Variants in EEA1 observed in about 807,000 individuals in gnomAD.
EEA1 encodes the protein early endosome antigen 1, also known as early endosome antigen 1, 162kD.
A neutral mutation model predicts 209.2 loss-of-function variants in EEA1; 111 were observed. The ratio of observed to expected loss-of-function variants is 0.53; its 90% CI spans 0.45 to 0.62. EEA1 has a LOEUF of 0.62. Among genes scored for constraint, EEA1 ranks in the 20% least tolerant of loss-of-function variants. The probability of loss-of-function intolerance (pLI) is 0.00; values close to 1 mark genes in which losing one functional copy is unlikely to be tolerated. For synonymous variants in EEA1, 536 were observed against 540.6 expected, an observed-to-expected ratio of 0.99 and a Z score of 0.12; for missense variants, 1,343 against 1,530.8, an observed-to-expected ratio of 0.88 and a Z score of 2.05.
At chr12:92,791,248 G>T (rs1307164921) in intron 21 of EEA1, among the ~76,000 whole-genome samples, 2 of 152,180 alleles carry the variant, frequency 1.3e-5, no homozygotes, top group African/African-American at 4.8e-5. Context: ...ACATCATAAT[G>T]ACAGGATCAA....
intron 13 of EEA1, among the ~76,000 whole-genome samples, chr12:92,820,205 T>C (rs533587165): frequency 2.0e-5 from 3 of 152,156 alleles, no homozygotes; most frequent in Non-Finnish European, 2.9e-5. Context: ...AATAGAAAAA[T>C]AAATGATTCC....
intron 1 of EEA1, among the ~76,000 whole-genome samples, chr12:92,900,381 A>G (rs1387699970): frequency 6.6e-6 from 1 of 151,832 alleles, no homozygotes; most frequent in Non-Finnish European, 1.5e-5. Flanking sequence ...ACTTTCCCAA[A>G]ATCTAACATT....
chr12:92,880,099 T>G (rs1403503502), intron 2 of EEA1, among the ~76,000 whole-genome samples: 1 of 152,204 alleles, frequency 6.6e-6, no homozygotes, highest in Non-Finnish European at 1.5e-5. Flanking sequence ...AGTGTCCTAC[T>G]CCCCTAGGCT....
At position 92,832,862 on chromosome 12, in the gene EEA1, A is replaced by G. The variant is rs567293875; in HGVS notation, c.916-12T>C. The G allele has an allele frequency of 1.1e-4, 164 of 1,556,554 alleles. 1 individual carries two copies. The South Asian group carries it at 1.5e-3, about 14-fold the overall frequency. The stretch of plus-strand genomic sequence containing the variant: ...TTTTCTGTCAAGGTCTAAAATATCA[A>G]TTTAACAATTTATTTCCTTTTCTAA... On this transcript the variant is annotated splice_polypyrimidine_tract_variant and intron_variant, in intron 10 of 28. Coordinates refer to ENST00000322349, the MANE Select transcript of EEA1 (RefSeq NM_003566.4).
chr12:92,808,068 T>C (rs1227124158), intron 18 of EEA1, among the ~76,000 whole-genome samples: 1 of 152,216 alleles, frequency 6.6e-6, no homozygotes, highest in East Asian at 1.9e-4. Context: ...CTGGTTTCTT[T>C]TGTGTGTTAT....
intron 3 of EEA1, chr12:92,859,027 G>C: frequency 1.4e-6 from 1 of 690,374 alleles, no homozygotes; most frequent in Admixed American, 2.5e-5. Context: ...GTGCAGAACG[G>C]TTCTTGTTCA....
chr12:92,904,077 C>T (rs564106990), intron 1 of EEA1, among the ~76,000 whole-genome samples: 3 of 152,206 alleles, frequency 2.0e-5, no homozygotes, highest in Non-Finnish European at 2.9e-5. Context: ...ATTCTCCTGC[C>T]TCAGCCTCCT....
At chr12:92,891,158 C>G (rs1275430066) in intron 2 of EEA1, among the ~76,000 whole-genome samples, 3 of 150,852 alleles carry the variant, frequency 2.0e-5, no homozygotes, top group Non-Finnish European at 2.9e-5. Flanking sequence ...TACTTATTTA[C>G]AATAATTTCT....
intron 10 of EEA1, among the ~76,000 whole-genome samples, chr12:92,836,581 G>A (rs1481006876): frequency 6.6e-6 from 1 of 152,098 alleles, no homozygotes; most frequent in Non-Finnish European, 1.5e-5. Context: ...TTTGTAGCTC[G>A]CCAACGTCTC....
At chr12:92,905,866 A>G (rs1880364665) in intron 1 of EEA1, among the ~76,000 whole-genome samples, 1 of 151,952 alleles carries the variant, frequency 6.6e-6, no homozygotes, top group African/African-American at 2.4e-5. Flanking sequence ...TGATTTATCT[A>G]TTGCAGACTA....
At chr12:92,836,334 C>G (rs937527075) in intron 10 of EEA1, among the ~76,000 whole-genome samples, 1 of 152,082 alleles carries the variant, frequency 6.6e-6, no homozygotes, top group Admixed American at 6.5e-5. Flanking sequence ...AAAATTCTTC[C>G]CTTCCAAGTA....
At chr12:92,925,264 G>C (rs1274238292) in intron 1 of EEA1, among the ~76,000 whole-genome samples, 1 of 151,550 alleles carries the variant, frequency 6.6e-6, no homozygotes, top group Admixed American at 6.6e-5. Context: ...TCTGTTGCTG[G>C]AGTGCAGTGG....
At chr12:92,905,288 A>C (rs1880329655) in intron 1 of EEA1, among the ~76,000 whole-genome samples, 1 of 152,182 alleles carries the variant, frequency 6.6e-6, no homozygotes, top group South Asian at 2.1e-4. Context: ...ATAGTATTCC[A>C]AGTATTTACT....
In EEA1 at chr12:92,816,792, TCCAGCCAA is replaced by T. The variant is rs1256838374; in HGVS notation, c.1729-400_1729-393del. 3.1e-3 allele frequency among the ~76,000 whole-genome samples: 474 copies of T among 151,844 alleles called. 1 individual carries two copies. Among genetic ancestry groups the T allele is most frequent in the African/African-American group, 0.011 (456 of 41,118 alleles). ...TCATTCCTCCCATCCCATCTCTAAC[TCCAGCCAA>T]TCACTGATTTGGTTAAGTAATAAGT... On this transcript the variant is annotated intron_variant, in intron 14 of 28. Transcript: ENST00000322349.
At chr12:92,836,463 T>C (rs1876935332) in intron 10 of EEA1, among the ~76,000 whole-genome samples, 1 of 152,180 alleles carries the variant, frequency 6.6e-6, no homozygotes, top group Non-Finnish European at 1.5e-5. Flanking sequence ...GAAATGAATA[T>C]AAAAAGAGTG....
rs868681466 is a variant in EEA1, at chr12:92,799,051, C to A, written c.2808G>T (p.Met936Ile). The change falls in exon 21 of 29, where the codon ATG (methionine) becomes ATT (isoleucine). Residue 936 changes from methionine to isoleucine, a missense_variant. Met to Ile is a conservative substitution (Grantham distance 10). Transcript: ENST00000322349. ...TCTGGGCCTGTATAAGTTGTTCCTG[C>A]ATTGAATTGAGTTCCAATTTCAACT... ...SHQLKLELNS[M>I]QEQLIQAQNT... The A allele has an allele frequency of 3.1e-6, 5 of 1,600,538 alleles. No individual in the cohort carries two copies. The highest frequency in any genetic ancestry group is 3.3e-4 in the Middle Eastern group (2 of 6,010).
chr12:92,858,173 T>A, intron 3 of EEA1: 1 of 654,002 alleles, frequency 1.5e-6, no homozygotes, highest in East Asian at 2.7e-5. Flanking sequence ...CCCACCCAGA[T>A]AAGATCTGTG....
In EEA1 at chr12:92,832,678, A is replaced by G. The variant is rs1465266218; in HGVS notation, c.1088T>C (p.Ile363Thr). 4 of 1,613,850 alleles carry G rather than the reference A, an allele frequency of 2.5e-6. No individual in the cohort carries two copies. The Admixed American group carries it at 6.7e-5, about 27-fold the overall frequency. The change falls in exon 11 of 29, where the codon ATA (isoleucine) becomes ACA (threonine). Residue 363 changes from isoleucine to threonine, a missense_variant. By Grantham distance (89) the Ile-to-Thr change is moderately conservative. Coordinates refer to ENST00000322349, the MANE Select transcript of EEA1 (RefSeq NM_003566.4). ...LSASETSLHR[I>T]HVELSEKGEA... ...TCCTTTTTCACTTAGTTCTACATGT[A>G]TTCTATGCAGTGAGGTTTCAGATGC...
At position 92,774,298 on chromosome 12, in the gene EEA1, A is replaced by G. The variant is rs1298263196; in HGVS notation, c.*1713T>C. Reference sequence around the variant, plus strand: ...TCCAGGGACTTAATCAATGTTCTTAATAGCTAATGACAACAGGGTTTACTT... The same window carrying G: ...TCCAGGGACTTAATCAATGTTCTTAGTAGCTAATGACAACAGGGTTTACTT... On this transcript the variant is annotated 3_prime_UTR_variant, in exon 29 of 29. Transcript: ENST00000322349. 1 of 151,564 alleles carries G rather than the reference A, an allele frequency of 6.6e-6. No individual in the cohort carries two copies. Among genetic ancestry groups the G allele is most frequent in the African/African-American group, 2.4e-5 (1 of 41,396 alleles). 9.4% of individuals were successfully genotyped at this position (151,564 alleles called of 1,614,324 possible).
Sources: gnomAD v4.1 joint callset for allele counts (sites outside exome capture counted in the v4.1 genomes callset) on GRCh38, gnomAD v4.1.1 for gene constraint, MANE v1.5 for transcripts, NCBI Gene and HGNC (gene_info 2026-07-23, HGNC 2026-07-21) for gene names.